CALD1: variants seen among roughly 807,000 people sequenced by gnomAD.
CALD1 encodes the protein caldesmon.
A neutral mutation model predicts 99.9 loss-of-function variants in CALD1; 33 were observed. The observed-to-expected ratio is 0.33, with a 90% confidence interval of 0.25 to 0.44. CALD1 has a LOEUF of 0.44. Among genes scored for constraint, CALD1 ranks in the 20% least tolerant of loss-of-function variants. The probability of loss-of-function intolerance (pLI) is 1.00; values close to 1 mark genes in which losing one functional copy is unlikely to be tolerated. For missense variants in CALD1, 861 were observed against 962.1 expected (o/e 0.89, Z 1.39); for synonymous variants, 310 against 325.0 (o/e 0.95, Z 0.50).
intron 8 of CALD1, 84 bp downstream of exon 8, chr7:134,947,853 C>CA (rs1807026101): frequency 1.4e-6 from 2 of 1,478,864 alleles, no homozygotes; most frequent in East Asian, 2.3e-5. Flanking sequence ...CATGGGCTCT[C>CA]AAAAATATTT....
intron 7 of CALD1, among the ~76,000 whole-genome samples, chr7:134,944,816 T>A (rs1432295051): frequency 1.3e-5 from 2 of 152,228 alleles, no homozygotes; most frequent in Admixed American, 6.5e-5. Flanking sequence ...GCTTCAAGCC[T>A]AAATTAAGCC....
intron 1 of CALD1, among the ~76,000 whole-genome samples, chr7:134,765,315 G>GAA (rs201728154): frequency 9.9e-5 from 13 of 131,916 alleles, no homozygotes; most frequent in African/African-American, 3.3e-4. Context: ...CTCCGTCTCG[G>GAA]AAAAAAAAAA....
chr7:134,856,943 AG>A (rs1358297112), intron 2 of CALD1, among the ~76,000 whole-genome samples: 1 of 152,218 alleles, frequency 6.6e-6, no homozygotes, highest in Middle Eastern at 3.2e-3. Context: ...CCTAATGCGG[AG>A]TATAAGAAAA....
intron 3 of CALD1, among the ~76,000 whole-genome samples, chr7:134,897,572 A>T (rs1328978835): frequency 1.3e-5 from 2 of 152,116 alleles, no homozygotes; most frequent in Non-Finnish European, 2.9e-5. Context: ...TGAACATATC[A>T]CATGACCTTG....
At chr7:134,952,454 C>T (rs1483279198) in intron 9 of CALD1, among the ~76,000 whole-genome samples, 3 of 151,884 alleles carry the variant, frequency 2.0e-5, no homozygotes, top group Non-Finnish European at 4.4e-5. Context: ...TTTTTAATCC[C>T]CAAATAACTT....
chr7:134,853,397 G>A (rs1800160525), intron 2 of CALD1, among the ~76,000 whole-genome samples: 1 of 152,120 alleles, frequency 6.6e-6, no homozygotes, highest in African/African-American at 2.4e-5. Context: ...TATGTTCCCC[G>A]TATGAATTCA....
At chr7:134,882,345 AT>A (rs373117677) in intron 3 of CALD1, among the ~76,000 whole-genome samples, 2 of 152,158 alleles carry the variant, frequency 1.3e-5, no homozygotes, top group Admixed American at 1.3e-4. Context: ...TATCTCATGT[AT>A]TTTTTTGATT....
intron 1 of CALD1, among the ~76,000 whole-genome samples, chr7:134,784,885 T>C (rs1797247585): frequency 6.6e-6 from 1 of 152,180 alleles, no homozygotes; most frequent in Non-Finnish European, 1.5e-5. Flanking sequence ...TTCTATCAAC[T>C]GGAAAATTTC....
chr7:134,775,325 A>G (rs755391549), upstream of CALD1, among the ~76,000 whole-genome samples: 1 of 152,134 alleles, frequency 6.6e-6, no homozygotes, highest in Non-Finnish European at 1.5e-5. Context: ...CTATAAAAAA[A>G]CCTCTTTGCC....
At chr7:134,722,376 T>C in the CALD1 span, among the ~76,000 whole-genome samples, 1 of 152,106 alleles carries the variant, frequency 6.6e-6, no homozygotes, top group Non-Finnish European at 1.5e-5. Context: ...CTGTGCATTC[T>C]GCAGTAGTTC....
At chr7:134,868,446 T>C (rs545435451) in intron 3 of CALD1, among the ~76,000 whole-genome samples, 1 of 152,340 alleles carries the variant, frequency 6.6e-6, no homozygotes, top group Admixed American at 6.5e-5. Flanking sequence ...TTTAACATTT[T>C]AGGCCTCAGA....
At position 134,791,059 on chromosome 7, in the gene CALD1, T is replaced by C. The variant is rs113940390; in HGVS notation, c.-130+11310T>C. Among the ~76,000 whole-genome samples, 39 of 26,850 alleles carry C rather than the reference T, an allele frequency of 1.5e-3. No individual in the cohort carries two copies. The South Asian group carries it at 0.019, about 13-fold the overall frequency. The allele number at this position is 26,850 out of a possible 152,430, so 17.6% of individuals were successfully genotyped here. On this transcript the variant is annotated intron_variant, in intron 1 of 14. Coordinates refer to ENST00000361675, the MANE Select transcript of CALD1 (RefSeq NM_033138.4). Reference sequence around the variant, plus strand: ...TGTCCACTCACCTTCCCAGGTGAGATACTACTTATTAAGAAATAAAATCAG... The same window carrying C: ...TGTCCACTCACCTTCCCAGGTGAGACACTACTTATTAAGAAATAAAATCAG...
At chr7:134,779,499 GCTGC>G (rs1797019683), upstream of CALD1, 1 of 391,300 alleles carries the variant, frequency 2.6e-6, no homozygotes, top group South Asian at 1.4e-4. Flanking sequence ...GTCGTCATTG[GCTGC>G]CTATTAGAAA....
At chr7:134,821,250 G>C (rs2132002737) in intron 1 of CALD1, among the ~76,000 whole-genome samples, 1 of 151,558 alleles carries the variant, frequency 6.6e-6, no homozygotes, top group Non-Finnish European at 1.5e-5. Context: ...AATATCTGTA[G>C]TTAAAACAAC....
chr7:134,793,248 G>A (rs996164666), intron 1 of CALD1, among the ~76,000 whole-genome samples: 6 of 152,204 alleles, frequency 3.9e-5, no homozygotes, highest in South Asian at 2.1e-4. Flanking sequence ...GCCCTTTTCC[G>A]TCATTTTTAT....
chr7:134,877,591 T>G (rs1365671371), intron 3 of CALD1, among the ~76,000 whole-genome samples: 1 of 152,322 alleles, frequency 6.6e-6, no homozygotes, highest in East Asian at 1.9e-4. Flanking sequence ...CCTACAATGG[T>G]TGCATCTGTG....
chr7:134,877,862 C>T (rs772807572), intron 3 of CALD1, among the ~76,000 whole-genome samples: 1 of 152,016 alleles, frequency 6.6e-6, no homozygotes, highest in Non-Finnish European at 1.5e-5. Context: ...AATCATATGC[C>T]TAATTGTTAC....
chr7:134,788,134 T>C (rs1297721156), intron 1 of CALD1, among the ~76,000 whole-genome samples: 1 of 152,202 alleles, frequency 6.6e-6, no homozygotes, highest in African/African-American at 2.4e-5. Flanking sequence ...AACTAAATCA[T>C]ATAAACTTAC....
At chr7:134,888,097 C>G (rs1005342006) in intron 3 of CALD1, among the ~76,000 whole-genome samples, 8 of 152,078 alleles carry the variant, frequency 5.3e-5, no homozygotes, top group African/African-American at 1.9e-4. Context: ...AAAGGACCAC[C>G]CTGTGGTGGG....
Sources: allele counts gnomAD v4.1 joint callset (sites outside exome capture counted in the v4.1 genomes callset), GRCh38; gene constraint gnomAD v4.1.1; transcripts MANE v1.5; gene names NCBI Gene and HGNC (gene_info 2026-07-23, HGNC 2026-07-21).